GRIN2A: variants seen among roughly 807,000 people sequenced by gnomAD.
GRIN2A encodes the protein glutamate receptor ionotropic, NMDA 2A.
Under a neutral mutation model 113.4 loss-of-function variants are expected in GRIN2A, and 22 were observed. The ratio of observed to expected loss-of-function variants is 0.19; its 90% CI spans 0.14 to 0.28. The LOEUF is 0.28. Among genes scored for constraint, GRIN2A ranks in the 10% least tolerant of loss-of-function variants. GRIN2A has a pLI of 1.00. For missense variants in GRIN2A, 1,502 were observed against 1,887.0 expected (o/e 0.80, Z 3.78); for synonymous variants, 827 against 738.4 (o/e 1.12, Z -1.94).
chr16:9,984,971 C>A (rs186092184), intron 2 of GRIN2A, among the ~76,000 whole-genome samples: 2 of 152,152 alleles, frequency 1.3e-5, no homozygotes, highest in African/African-American at 4.8e-5. Context: ...TACAAACACA[C>A]ACATACCAGT....
intron 2 of GRIN2A, among the ~76,000 whole-genome samples, chr16:9,979,568 T>C (rs1462054171): frequency 2.6e-5 from 4 of 152,066 alleles, no homozygotes; most frequent in Non-Finnish European, 4.4e-5. Flanking sequence ...CAGCTCTGCT[T>C]ATTACCTCCC....
intron 2 of GRIN2A, among the ~76,000 whole-genome samples, chr16:10,123,371 C>G (rs1206436458): frequency 6.6e-6 from 1 of 152,110 alleles, no homozygotes; most frequent in Non-Finnish European, 1.5e-5. Context: ...TATGCAAGCT[C>G]AACTTGCTTT....
intron 10 of GRIN2A, among the ~76,000 whole-genome samples, chr16:9,820,823 T>G (rs2042268033): frequency 6.6e-6 from 1 of 152,196 alleles, no homozygotes; most frequent in Non-Finnish European, 1.5e-5. Flanking sequence ...TATTTAATAT[T>G]TGTGAATTTT....
intron 11 of GRIN2A, among the ~76,000 whole-genome samples, chr16:9,789,476 G>A (rs1010813357): frequency 3.3e-5 from 5 of 152,028 alleles, no homozygotes; most frequent in Admixed American, 6.6e-5. Flanking sequence ...ACTATTATGT[G>A]GGAACGCCTG....
At chr16:9,941,121 A>G (rs2044865578) in intron 2 of GRIN2A, among the ~76,000 whole-genome samples, 1 of 152,210 alleles carries the variant, frequency 6.6e-6, no homozygotes, top group South Asian at 2.1e-4. Context: ...CAAGGAATAC[A>G]GAAAGCTCTC....
At chr16:9,895,508 G>T (rs1383424546) in intron 3 of GRIN2A, among the ~76,000 whole-genome samples, 1 of 152,186 alleles carries the variant, frequency 6.6e-6, no homozygotes, top group Non-Finnish European at 1.5e-5. Context: ...TGTTTATTTG[G>T]AATGGAGGCT....
intron 2 of GRIN2A, among the ~76,000 whole-genome samples, chr16:10,116,685 A>G (rs2048734366): frequency 6.6e-6 from 1 of 152,158 alleles, no homozygotes; most frequent in Admixed American, 6.5e-5. Flanking sequence ...AATTCATGGG[A>G]AGGTTACTTC....
At position 10,111,717 on chromosome 16, in the gene GRIN2A, G is replaced by C. The variant is rs889328852; in HGVS notation, c.414+68281C>G. The C allele has an allele frequency of 7.8e-6, 12 of 1,547,112 alleles. No homozygotes were observed. The South Asian group carries it at 8.9e-5, about 12-fold the overall frequency. On this transcript the variant is annotated intron_variant, in intron 2 of 12. Transcript: ENST00000330684. ...TGCATAAGGTCAAGAAGTTTGAACA[G>C]GGCTTCATCACGGACCCCGTGGTGC...
At chr16:10,058,437 CTG>C (rs2047493558) in intron 2 of GRIN2A, among the ~76,000 whole-genome samples, 1 of 152,160 alleles carries the variant, frequency 6.6e-6, no homozygotes, top group Admixed American at 6.5e-5. Context: ...AAGATCTGTG[CTG>C]TGTCTACTAA....
chr16:9,988,909 C>T (rs1185307423), intron 2 of GRIN2A, among the ~76,000 whole-genome samples: 1 of 152,150 alleles, frequency 6.6e-6, no homozygotes, highest in East Asian at 1.9e-4. Flanking sequence ...CTACAACTAA[C>T]TCTCATTTTC....
At chr16:9,910,052 G>T (rs1258218768) in intron 3 of GRIN2A, among the ~76,000 whole-genome samples, 1 of 152,074 alleles carries the variant, frequency 6.6e-6, no homozygotes, top group Non-Finnish European at 1.5e-5. Context: ...TTCCTTTATG[G>T]CTCATATTCT....
chr16:10,011,972 G>C (rs1471252927), intron 2 of GRIN2A, among the ~76,000 whole-genome samples: 1 of 152,132 alleles, frequency 6.6e-6, no homozygotes, highest in Non-Finnish European at 1.5e-5. Flanking sequence ...TAGATAAGAG[G>C]TCCTCAAAAC....
chr16:9,951,401 T>G (rs1188269526), intron 2 of GRIN2A, among the ~76,000 whole-genome samples: 1 of 152,238 alleles, frequency 6.6e-6, no homozygotes, highest in Non-Finnish European at 1.5e-5. Flanking sequence ...GAATATCATC[T>G]GCCCCTTTAA....
At chr16:9,898,790 G>GT (rs71402415) in intron 3 of GRIN2A, among the ~76,000 whole-genome samples, 417 of 140,334 alleles carry the variant, frequency 3.0e-3, no homozygotes, top group Admixed American at 4.7e-3. Context: ...TTCACAGAGT[G>GT]TTTTTTTTTT....
At position 9,822,253 on chromosome 16, in the gene GRIN2A, G is replaced by A. The variant is rs1317723689; in HGVS notation, c.2168+11C>T. 3 of 1,613,438 alleles carry A rather than the reference G, an allele frequency of 1.9e-6. No homozygotes were observed. Among genetic ancestry groups the A allele is most frequent in the Non-Finnish European group, 2.5e-6 (3 of 1,179,424 alleles). ...GCAGACCTGTGGTGAAAAGGAAACT[G>A]CCATCCTTACCCCGTTTTCAGGCTG... On this transcript the variant is annotated intron_variant, in intron 10 of 12. Transcript: ENST00000330684.
At chr16:9,876,386 C>A (rs1040458573) in intron 4 of GRIN2A, among the ~76,000 whole-genome samples, 2 of 152,174 alleles carry the variant, frequency 1.3e-5, no homozygotes, top group Non-Finnish European at 2.9e-5. Flanking sequence ...ATGTCCTCAC[C>A]TGTTTACCCC....
intron 2 of GRIN2A, chr16:10,111,925 A>G: frequency 2.5e-6 from 2 of 785,096 alleles, no homozygotes; most frequent in Non-Finnish European, 4.5e-6. Flanking sequence ...GATGACGCCA[A>G]GGATCAAGCT....
chr16:9,850,000 C>G (rs4781939), intron 4 of GRIN2A, 39 bp from the exon 5 acceptor site: 1 of 1,559,228 alleles, frequency 6.4e-7, no homozygotes, highest in Admixed American at 1.7e-5. Flanking sequence ...TGCTTTCTTC[C>G]GCCGCTGATT....
intron 3 of GRIN2A, among the ~76,000 whole-genome samples, chr16:9,915,868 T>C (rs548088930): frequency 2.0e-5 from 3 of 152,226 alleles, no homozygotes; most frequent in Admixed American, 6.5e-5. Flanking sequence ...ATTAGATTGA[T>C]TAATAAATAG....
Sources: gnomAD v4.1 joint callset for allele counts (sites outside exome capture counted in the v4.1 genomes callset) on GRCh38, gnomAD v4.1.1 for gene constraint, MANE v1.5 for transcripts, NCBI Gene and HGNC (gene_info 2026-07-23, HGNC 2026-07-21) for gene names.